Variants in TCERG1L observed in about 807,000 individuals in gnomAD.
TCERG1L encodes the protein transcription elongation regulator 1 like, also known as transcription elongation regulator 1-like protein.
Under a neutral mutation model 56.3 loss-of-function variants are expected in TCERG1L, and 37 were observed. The observed-to-expected ratio is 0.66, with a 90% CI of 0.51 to 0.87. The LOEUF (loss-of-function observed/expected upper bound fraction) is 0.87. TCERG1L is among the 40% of genes least tolerant of loss of function. The pLI is 0.00. For missense variants in TCERG1L, 799 were observed against 774.2 expected (o/e 1.03, Z -0.38); for synonymous variants, 324 against 326.3 (o/e 0.99, Z 0.08).
In TCERG1L at chr10:131,260,386, G is replaced by A. The variant is rs149055623; in HGVS notation, c.729C>T (p.Ala243=). 1.2e-3 allele frequency: 1,782 copies of A among 1,489,208 alleles called. 14 individuals carry two copies. The Middle Eastern group carries it at 0.015, about 12-fold the overall frequency. The allele number at this position is 1,489,208 out of a possible 1,614,324, so 92.2% of individuals were successfully genotyped here. ...TSSPAIAIAT[A]AAAAMVSVDP... ...CCACGGAGACCATGGCAGCGGCGGC[G>A]GCGGTGGCGATGGCAATGGCGGGGC... is the stretch of plus-strand genomic sequence containing the variant. Residue 243 remains alanine (A), a synonymous_variant, in exon 4 of 12, where the codon GCC becomes GCT. Coordinates refer to ENST00000368642, the MANE Select transcript of TCERG1L (RefSeq NM_174937.4). This position sits in a 1 kb window ranked among gnomAD's most constrained non-coding sequence, Gnocchi z 5.8.
intron 3 of TCERG1L, among the ~76,000 whole-genome samples, chr10:131,300,739 T>C (rs1846752760): frequency 6.6e-6 from 1 of 152,202 alleles, no homozygotes; most frequent in African/African-American, 2.4e-5. Context: ...TTGTCAATAG[T>C]TTATCACTTC....
chr10:131,094,430 C>G (rs1845220110), intron 11 of TCERG1L, among the ~76,000 whole-genome samples: 1 of 152,216 alleles, frequency 6.6e-6, no homozygotes, highest in Non-Finnish European at 1.5e-5. Context: ...TTAATAGCTT[C>G]TGAAATATAC....
At chr10:131,210,053 C>T (rs1025108762) in intron 4 of TCERG1L, among the ~76,000 whole-genome samples, 1 of 152,010 alleles carries the variant, frequency 6.6e-6, no homozygotes. Flanking sequence ...ATGTTTTTTG[C>T]AATACAGAAG....
intron 6 of TCERG1L, among the ~76,000 whole-genome samples, chr10:131,159,212 G>A (rs577660347): frequency 1.6e-4 from 25 of 152,320 alleles, no homozygotes; most frequent in Admixed American, 1.1e-3. Context: ...ACCACACTGT[G>A]CCCTGACAGC....
In TCERG1L at chr10:131,285,465, GAAGAAAGAAAGA is replaced by G. The variant is rs1212795487; in HGVS notation, c.670+22734_670+22745del. Among the ~76,000 whole-genome samples the G allele has an allele frequency of 4.3e-3, 452 of 103,978 alleles. 11 individuals are homozygous for G. The highest frequency in any genetic ancestry group is 0.017 in the African/African-American group (414 of 25,044). The allele number at this position is 103,978 out of a possible 152,430, so 68.2% of individuals were successfully genotyped here. On this transcript the variant is annotated intron_variant, in intron 3 of 11. Coordinates refer to ENST00000368642, the MANE Select transcript of TCERG1L (RefSeq NM_174937.4). ...AGAAACAAAGAAAGAGAGAGAAAGG[GAAGAAAGAAAGA>G]AAGAAAGAAAGAAAGAAAGAAAGAA... is the stretch of plus-strand genomic sequence containing the variant.
intron 4 of TCERG1L, among the ~76,000 whole-genome samples, chr10:131,188,359 T>G (rs1043999348): frequency 6.6e-6 from 1 of 152,244 alleles, no homozygotes; most frequent in Admixed American, 6.5e-5. Flanking sequence ...GCTTCTGAGT[T>G]TTTACAGGGA....
intron 3 of TCERG1L, among the ~76,000 whole-genome samples, chr10:131,271,616 G>A (rs1409971610): frequency 1.3e-5 from 2 of 152,204 alleles, no homozygotes; most frequent in Non-Finnish European, 2.9e-5. Context: ...TATGCCCGCC[G>A]GTGGGATGCA....
At chr10:131,174,371 G>A (rs962194222) in intron 4 of TCERG1L, among the ~76,000 whole-genome samples, 19 of 152,280 alleles carry the variant, frequency 1.2e-4, no homozygotes, top group African/African-American at 3.1e-4. Context: ...TGAAGCTGGC[G>A]CAGGTCTTCC....
intron 6 of TCERG1L, chr10:131,161,913 T>A (rs1030000608): frequency 1.3e-5 from 2 of 152,250 alleles, no homozygotes; most frequent in African/African-American, 4.8e-5. Flanking sequence ...TTGCTTCCAC[T>A]GGCTGTTCCT....
chr10:131,132,721 G>T (rs550895387), intron 8 of TCERG1L, among the ~76,000 whole-genome samples: 2 of 152,178 alleles, frequency 1.3e-5, no homozygotes, highest in African/African-American at 4.8e-5. Context: ...CTTGGCCCCC[G>T]TCAGAGGTGC....
At chr10:131,283,467 G>A (rs1401866761) in intron 3 of TCERG1L, among the ~76,000 whole-genome samples, 2 of 152,152 alleles carry the variant, frequency 1.3e-5, no homozygotes, top group Non-Finnish European at 2.9e-5. Flanking sequence ...CAAGTATTAA[G>A]AGGAAATGAT....
intron 3 of TCERG1L, among the ~76,000 whole-genome samples, chr10:131,274,042 T>C (rs1329194947): frequency 6.6e-6 from 1 of 152,114 alleles, no homozygotes; most frequent in Non-Finnish European, 1.5e-5. Flanking sequence ...GAACGGGGCC[T>C]GGGCGTGTGA....
intron 3 of TCERG1L, among the ~76,000 whole-genome samples, chr10:131,282,358 A>G (rs1846469294): frequency 6.6e-6 from 1 of 152,162 alleles, no homozygotes; most frequent in African/African-American, 2.4e-5. Context: ...TTAGAAACAG[A>G]CATTATTTTT....
At chr10:131,128,392 C>T (rs1425307573) in intron 8 of TCERG1L, among the ~76,000 whole-genome samples, 1 of 152,186 alleles carries the variant, frequency 6.6e-6, no homozygotes, top group African/African-American at 2.4e-5. Context: ...AATGCCCTTA[C>T]AGAAGAAAGG....
intron 3 of TCERG1L, among the ~76,000 whole-genome samples, chr10:131,286,110 A>G (rs1170016764): frequency 6.6e-6 from 1 of 152,226 alleles, no homozygotes; most frequent in East Asian, 1.9e-4. Context: ...ACTCCTGAAC[A>G]TTAACACGTC....
At position 131,311,091 on chromosome 10, in the gene TCERG1L, G is replaced by A. The variant is rs1332605882; in HGVS notation, c.342+203C>T. Reference sequence around the variant, plus strand: ...CAGACACCCGGAGGCACCTGCCAAAGCTGCGGAGGTGGACGACCGGGCGTC... The same window carrying A: ...CAGACACCCGGAGGCACCTGCCAAAACTGCGGAGGTGGACGACCGGGCGTC... On this transcript the variant is annotated intron_variant, in intron 1 of 11. Transcript: ENST00000368642. This position sits in a 1 kb window ranked among gnomAD's most constrained non-coding sequence, Gnocchi z 4.0. Among the ~76,000 whole-genome samples, 1 of 152,200 alleles carries A rather than the reference G, an allele frequency of 6.6e-6. No individual in the cohort carries two copies. The highest frequency in any genetic ancestry group is 2.4e-5 in the African/African-American group (1 of 41,448).
chr10:131,095,611 G>A (rs1295231554), intron 11 of TCERG1L: 1 of 152,158 alleles, frequency 6.6e-6, no homozygotes, highest in Non-Finnish European at 1.5e-5. Flanking sequence ...TGAAAACTTA[G>A]CTACTTTTAA....
intron 4 of TCERG1L, among the ~76,000 whole-genome samples, chr10:131,167,308 C>G (rs1226675927): frequency 2.0e-5 from 3 of 152,190 alleles, no homozygotes; most frequent in Non-Finnish European, 4.4e-5. Context: ...CTGTGACAAC[C>G]CTCACACTCG....
chr10:131,177,975 A>G (rs911266427), intron 4 of TCERG1L, among the ~76,000 whole-genome samples: 7 of 149,894 alleles, frequency 4.7e-5, no homozygotes, highest in African/African-American at 1.7e-4. Flanking sequence ...CTAGAAACAG[A>G]CCCTGGCATG....
Sources: allele counts gnomAD v4.1 joint callset (sites outside exome capture counted in the v4.1 genomes callset), GRCh38; gene constraint gnomAD v4.1.1; non-coding constraint Gnocchi (gnomAD v3.1); transcripts MANE v1.5; gene names NCBI Gene and HGNC (gene_info 2026-07-23, HGNC 2026-07-21).